CCSER1: variants seen among roughly 807,000 people sequenced by gnomAD.
The protein encoded by CCSER1 is coiled-coil serine rich protein 1.
In CCSER1, 41 loss-of-function variants were observed where a neutral mutation model predicts 82.0. The observed-to-expected ratio is 0.50, with a 90% CI of 0.39 to 0.65. The LOEUF is 0.65. CCSER1 is among the 30% of genes least tolerant of loss of function. The pLI is 0.00. For missense variants in CCSER1, 1,119 were observed against 1,064.2 expected, an observed-to-expected ratio of 1.05 and a Z score of -0.72; for synonymous variants, 414 against 383.9, an observed-to-expected ratio of 1.08 and a Z score of -0.92.
chr4:90,392,137 A>C (rs769131985), intron 3 of CCSER1, among the ~76,000 whole-genome samples: 1 of 151,996 alleles, frequency 6.6e-6, no homozygotes, highest in African/African-American at 2.4e-5. Context: ...AAAAAGCATG[A>C]ATTTTTAAAC....
chr4:90,449,573 C>A (rs1010605958), intron 4 of CCSER1, among the ~76,000 whole-genome samples: 2 of 152,230 alleles, frequency 1.3e-5, no homozygotes, highest in Admixed American at 1.3e-4. Context: ...GCCCACAACC[C>A]TTCCCTTGGC....
At chr4:90,957,528 TATTATATATATTATATA>T (rs1210482421) in intron 9 of CCSER1, among the ~76,000 whole-genome samples, 257 of 123,342 alleles carry the variant, frequency 2.1e-3, no homozygotes, top group Admixed American at 6.2e-3. Context: ...TAATATCATA[TATTATATATATTATATA>T]ATTATATTAT....
At chr4:90,871,027 G>C (rs943015774) in intron 8 of CCSER1, among the ~76,000 whole-genome samples, 2 of 149,882 alleles carry the variant, frequency 1.3e-5, no homozygotes, top group Non-Finnish European at 3.0e-5. Context: ...CTGTTGTAAT[G>C]TCTCCTTTTT....
rs1425267809 is a variant in CCSER1, at chr4:90,747,674, T to A, written c.2010+23683T>A. Among the ~76,000 whole-genome samples, 11 of 152,284 alleles carry A rather than the reference T, an allele frequency of 7.2e-5. No individual in the cohort carries two copies. In the South Asian group the frequency reaches 1.5e-3, roughly 20 times the overall value. ...TTTTTTAAATTTTATTATTATACTTTAAGTTTTAGGGTACATATGCACGAT... is the reference window on the plus strand; with the variant it reads ...TTTTTTAAATTTTATTATTATACTTAAAGTTTTAGGGTACATATGCACGAT... On this transcript the variant is annotated intron_variant, in intron 7 of 10. Coordinates refer to ENST00000509176, the MANE Select transcript of CCSER1 (RefSeq NM_001145065.2).
intron 10 of CCSER1, among the ~76,000 whole-genome samples, chr4:91,582,474 T>C (rs975526142): frequency 3.3e-5 from 5 of 151,606 alleles, no homozygotes. Context: ...TACCCACATT[T>C]GGGATTTACT....
At chr4:91,175,257 A>G (rs1733208355) in intron 10 of CCSER1, among the ~76,000 whole-genome samples, 1 of 152,042 alleles carries the variant, frequency 6.6e-6, no homozygotes, top group African/African-American at 2.4e-5. Flanking sequence ...GGTCTTTGCT[A>G]TTGTGAATAG....
chr4:91,240,435 T>G (rs1347834305), intron 10 of CCSER1, among the ~76,000 whole-genome samples: 1 of 29,288 alleles, frequency 3.4e-5, no homozygotes. Context: ...TATAATCAAC[T>G]TCATCTTATG....
chr4:91,331,371 T>C (rs6839066), intron 10 of CCSER1, among the ~76,000 whole-genome samples: 118,799 of 151,924 alleles, frequency 0.78, 47,165 homozygotes, highest in African/African-American at 0.92. Context: ...CTAGACCCAC[T>C]CTTGCTCATG....
chr4:90,779,312 C>T (rs1753419174), intron 7 of CCSER1, among the ~76,000 whole-genome samples: 1 of 151,916 alleles, frequency 6.6e-6, no homozygotes, highest in South Asian at 2.1e-4. Flanking sequence ...AAATCTTACT[C>T]ATGCTTCTTA....
intron 10 of CCSER1, among the ~76,000 whole-genome samples, chr4:91,317,589 C>CGT (rs145077106): frequency 4.6e-5 from 7 of 150,820 alleles, no homozygotes; most frequent in Middle Eastern, 3.4e-3. Context: ...AAAGTATATA[C>CGT]GTGTGTGTGT....
At chr4:90,932,432 G>A (rs1729941661) in intron 9 of CCSER1, among the ~76,000 whole-genome samples, 2 of 152,112 alleles carry the variant, frequency 1.3e-5, no homozygotes, top group African/African-American at 4.8e-5. Flanking sequence ...GCATTTTGTT[G>A]TATTGGAAAA....
intron 10 of CCSER1, among the ~76,000 whole-genome samples, chr4:91,450,113 A>G (rs1578488039): frequency 2.1e-5 from 1 of 48,050 alleles, no homozygotes; most frequent in Non-Finnish European, 4.1e-5. Context: ...CAATGGCTGG[A>G]GATTTGTTTT....
chr4:90,841,404 C>T (rs537778255), intron 8 of CCSER1, among the ~76,000 whole-genome samples: 73 of 151,670 alleles, frequency 4.8e-4, no homozygotes, highest in Non-Finnish European at 9.4e-4. Flanking sequence ...CAATGAAACC[C>T]CGTCTCTACT....
At chr4:90,318,423 A>T (rs368560427) in intron 3 of CCSER1, among the ~76,000 whole-genome samples, 1 of 152,300 alleles carries the variant, frequency 6.6e-6, no homozygotes, top group East Asian at 1.9e-4. Context: ...GACAACTTTC[A>T]TTTATGGCCA....
At chr4:91,545,544 A>G (rs1761844393) in intron 10 of CCSER1, among the ~76,000 whole-genome samples, 1 of 152,080 alleles carries the variant, frequency 6.6e-6, no homozygotes, top group African/African-American at 2.4e-5. Flanking sequence ...ATTTTTGTGG[A>G]TGCTAATATA....
intron 4 of CCSER1, among the ~76,000 whole-genome samples, chr4:90,407,921 G>A (rs1370357143): frequency 4.6e-5 from 7 of 152,118 alleles, no homozygotes; most frequent in African/African-American, 9.7e-5. Flanking sequence ...CTGGAAAATC[G>A]GGTCACTCCT....
chr4:90,959,692 T>A (rs1033962122), intron 9 of CCSER1, among the ~76,000 whole-genome samples: 2 of 22,700 alleles, frequency 8.8e-5, no homozygotes, highest in African/African-American at 2.0e-4. Flanking sequence ...TAATATATGA[T>A]CAGATAAAGA....
At chr4:90,905,567 T>C (rs1344118291) in intron 8 of CCSER1, among the ~76,000 whole-genome samples, 2 of 152,182 alleles carry the variant, frequency 1.3e-5, no homozygotes, top group Non-Finnish European at 2.9e-5. Flanking sequence ...CATCTTTATG[T>C]TATTCTTTCT....
intron 10 of CCSER1, among the ~76,000 whole-genome samples, chr4:91,108,758 G>A (rs1725849882): frequency 1.3e-5 from 2 of 152,090 alleles, no homozygotes; most frequent in African/African-American, 4.8e-5. Flanking sequence ...TTTCTCCTCT[G>A]ACAAGTTATA....
Sources: gnomAD v4.1 joint callset for allele counts (sites outside exome capture counted in the v4.1 genomes callset) on GRCh38, gnomAD v4.1.1 for gene constraint, MANE v1.5 for transcripts, NCBI Gene and HGNC (gene_info 2026-07-23, HGNC 2026-07-21) for gene names.